The following SLC19A3 variants were observed in gnomAD, a reference collection of about 807,000 sequenced individuals.
The protein encoded by SLC19A3 is solute carrier family 19 member 3.
Under a neutral mutation model 40.2 loss-of-function variants are expected in SLC19A3, and 31 were observed. The observed-to-expected ratio is 0.77, with a 90% CI of 0.58 to 1.04. SLC19A3 has a LOEUF of 1.04. Ranked by LOEUF, SLC19A3 falls within the 50% of genes least tolerant of loss-of-function variation. The pLI, the probability that SLC19A3 is intolerant of heterozygous loss-of-function variation, is 0.00. For synonymous variants in SLC19A3, 212 were observed against 227.5 expected (o/e 0.93, Z 0.61); for missense variants, 592 against 596.7 (o/e 0.99, Z 0.08).
Position 227,703,038 on chromosome 2 carries a change from A to G in SLC19A3, c.-2-718T>C, listed in dbSNP as rs1231223886. 6.6e-6 allele frequency: 1 copy of G among 152,402 alleles called. No homozygotes were observed. The highest frequency in any genetic ancestry group is 2.4e-5 in the African/African-American group (1 of 41,454). 9.4% of individuals were successfully genotyped at this position (152,402 alleles called of 1,614,324 possible). ...GATGCCCAAACACTGGCTTCAAACC[A>G]CATGATCAAGATCTGAATCCAGGTC... On this transcript the variant is annotated intron_variant, in intron 1 of 5. Transcript: ENST00000644224. This position sits in a 1 kb window ranked among gnomAD's most constrained non-coding sequence, Gnocchi z 4.7.
chr2:227,711,617 T>C (rs910442837), intron 1 of SLC19A3, among the ~76,000 whole-genome samples: 5 of 151,828 alleles, frequency 3.3e-5, no homozygotes, highest in African/African-American at 1.2e-4. Flanking sequence ...CAGCATGCCA[T>C]CCAGAAGGAA....
chr2:227,702,878 C>T (rs1247199075), intron 1 of SLC19A3: 1 of 157,678 alleles, frequency 6.3e-6, no homozygotes, highest in Non-Finnish European at 1.4e-5. Context: ...GCTAAGTTCT[C>T]TGAGATACAT....
intron 4 of SLC19A3, among the ~76,000 whole-genome samples, chr2:227,692,542 G>C (rs115973123): frequency 3.8e-3 from 576 of 152,252 alleles, no homozygotes; most frequent in Non-Finnish European, 6.9e-3. Context: ...GGTATAGAAG[G>C]AACATAGTCA....
intron 1 of SLC19A3, among the ~76,000 whole-genome samples, chr2:227,716,766 C>G (rs959790733): frequency 6.6e-6 from 1 of 152,050 alleles, no homozygotes; most frequent in East Asian, 1.9e-4. Flanking sequence ...AATGTGTATG[C>G]ATTTACCATT....
chr2:227,712,222 C>A (rs1553575305), intron 1 of SLC19A3, among the ~76,000 whole-genome samples: 1 of 151,880 alleles, frequency 6.6e-6, no homozygotes, highest in Non-Finnish European at 1.5e-5. Context: ...TGGACAACAC[C>A]TTTTTTTGTC....
intron 1 of SLC19A3, chr2:227,706,358 G>GT: frequency 2.4e-6 from 3 of 1,231,602 alleles, no homozygotes; most frequent in Non-Finnish European, 3.0e-6. Context: ...TTTTCTGTGT[G>GT]TTCCAAATCA....
chr2:227,717,502 C>G (rs1464882591), intron 1 of SLC19A3, among the ~76,000 whole-genome samples: 2 of 152,124 alleles, frequency 1.3e-5, no homozygotes, highest in Non-Finnish European at 2.9e-5. Flanking sequence ...TTTCAATTAA[C>G]TAAATTTCAA....
At chr2:227,691,197 G>C (rs1273939138) in intron 4 of SLC19A3, among the ~76,000 whole-genome samples, 4 of 152,106 alleles carry the variant, frequency 2.6e-5, no homozygotes, top group African/African-American at 9.7e-5. Flanking sequence ...GAAATTGAGA[G>C]AAACTGAAAA....
chr2:227,717,216 G>T (rs1233691647), intron 1 of SLC19A3, among the ~76,000 whole-genome samples: 2 of 151,928 alleles, frequency 1.3e-5, no homozygotes, highest in Non-Finnish European at 2.9e-5. Context: ...GGGCCAAGCT[G>T]GTCTCGAATT....
chr2:227,688,094 T>G lies in SLC19A3; in HGVS notation c.1314+72A>C, dbSNP rs1695088040. 2.8e-5 allele frequency: 42 copies of G among 1,520,384 alleles called. No homozygotes were observed. The South Asian group carries it at 4.6e-4, about 17-fold the overall frequency. The allele number at this position is 1,520,384 out of a possible 1,614,324, so 94.2% of individuals were successfully genotyped here. A position where few individuals can be genotyped will look rare whatever the true frequency, so the allele number is the denominator to read the frequency against. On this transcript the variant is annotated intron_variant, in intron 5 of 5. Coordinates refer to ENST00000644224, the MANE Select transcript of SLC19A3 (RefSeq NM_025243.4). ...GCTTAACCAAGGAACTCAAGAAATT[T>G]AAATATTGCTTGTTGTAAGGTTGAG...
At chr2:227,701,098 C>G (rs1052936911) in intron 2 of SLC19A3, 3 of 1,298,934 alleles carry the variant, frequency 2.3e-6, no homozygotes, top group African/African-American at 3.0e-5. Flanking sequence ...TTAATTGTGG[C>G]ATGCTTCAAC....
intron 2 of SLC19A3, chr2:227,701,084 T>A (rs1298855153): frequency 1.4e-5 from 18 of 1,302,076 alleles, no homozygotes; most frequent in Non-Finnish European, 1.8e-5. Context: ...TGTCCTTTGT[T>A]GTCTTAATTG....
chr2:227,714,752 A>T (rs1333316567), intron 1 of SLC19A3: 1 of 205,818 alleles, frequency 4.9e-6, no homozygotes, highest in African/African-American at 2.4e-5. Flanking sequence ...ATCTTTCTGA[A>T]ATACAAGTGA....
At chr2:227,712,050 C>CAACA (rs1553575279) in intron 1 of SLC19A3, among the ~76,000 whole-genome samples, 2 of 65,492 alleles carry the variant, frequency 3.1e-5, no homozygotes, top group Non-Finnish European at 2.6e-5. Context: ...ACTCTGTCTC[C>CAACA]AAAAAAAAAA....
At chr2:227,712,666 A>G (rs1294936573) in intron 1 of SLC19A3, among the ~76,000 whole-genome samples, 1 of 152,264 alleles carries the variant, frequency 6.6e-6, no homozygotes, top group East Asian at 1.9e-4. Flanking sequence ...AAAAATGAGA[A>G]GCAACTAAAT....
At chr2:227,700,838 G>A (rs1695657498) in intron 2 of SLC19A3, 1 of 973,278 alleles carries the variant, frequency 1.0e-6, no homozygotes, top group Non-Finnish European at 1.4e-6. Context: ...AATTTTCACA[G>A]TTGGAAGGAC....
chr2:227,712,152 C>T (rs766038823), intron 1 of SLC19A3, among the ~76,000 whole-genome samples: 1 of 151,158 alleles, frequency 6.6e-6, no homozygotes, highest in Non-Finnish European at 1.5e-5. Context: ...GACTGTAATC[C>T]CAGCACTTTG....
chr2:227,699,648 A>G (rs1695599260), intron 2 of SLC19A3, 84 bp from the exon 3 acceptor site: 2 of 1,142,910 alleles, frequency 1.7e-6, no homozygotes, highest in Non-Finnish European at 2.6e-6. Context: ...TTCTGCCTCC[A>G]ATTGGAAATT....
intron 1 of SLC19A3, among the ~76,000 whole-genome samples, chr2:227,713,583 G>A (rs1051866077): frequency 3.3e-5 from 5 of 152,050 alleles, no homozygotes; most frequent in South Asian, 2.1e-4. Context: ...TGAGCTTGCA[G>A]CCTTAGCCCT....
Sources: gnomAD v4.1 joint callset for allele counts (sites outside exome capture counted in the v4.1 genomes callset) on GRCh38, gnomAD v4.1.1 for gene constraint, Gnocchi (gnomAD v3.1) non-coding constraint, MANE v1.5 for transcripts, NCBI Gene and HGNC (gene_info 2026-07-23, HGNC 2026-07-21) for gene names.